FAT3: variants seen among roughly 807,000 people sequenced by gnomAD.
FAT3 encodes protocadherin Fat 3.
In FAT3, 95 loss-of-function variants were observed where a neutral mutation model predicts 310.2. That is an observed-to-expected ratio of 0.31 (90% confidence interval 0.26 to 0.36). FAT3 has a LOEUF of 0.36. Among genes scored for constraint, FAT3 ranks in the 10% least tolerant of loss-of-function variants. The probability of loss-of-function intolerance (pLI) is 1.00; values close to 1 mark genes in which losing one functional copy is unlikely to be tolerated. For synonymous variants in FAT3, 2,314 were observed against 2,192.9 expected (o/e 1.06, Z -1.54); for missense variants, 5,408 against 5,715.6 (o/e 0.95, Z 1.74).
At chr11:92,816,330 A>G (rs1947825917) in intron 13 of FAT3, among the ~76,000 whole-genome samples, 1 of 152,202 alleles carries the variant, frequency 6.6e-6, no homozygotes, top group Admixed American at 6.5e-5. Flanking sequence ...TGGTCCCTCC[A>G]TCCTGTCATC....
chr11:92,596,141 G>A (rs1426171466), intron 3 of FAT3, among the ~76,000 whole-genome samples: 1 of 152,092 alleles, frequency 6.6e-6, no homozygotes, highest in Non-Finnish European at 1.5e-5. Context: ...TTTTGCATAT[G>A]TTTTCCTTTT....
chr11:92,470,771 A>G (rs141724912), intron 2 of FAT3, among the ~76,000 whole-genome samples: 220 of 152,332 alleles, frequency 1.4e-3, no homozygotes, highest in African/African-American at 5.1e-3. Flanking sequence ...GTAATCTGGT[A>G]CTTTTCAAAA....
intron 1 of FAT3, among the ~76,000 whole-genome samples, chr11:92,256,975 G>C (rs959573300): frequency 6.6e-6 from 1 of 152,022 alleles, no homozygotes; most frequent in Non-Finnish European, 1.5e-5. Context: ...CATGTCCTAT[G>C]TTGATGAACA....
intron 1 of FAT3, among the ~76,000 whole-genome samples, chr11:92,277,322 C>T (rs1376486472): frequency 9.2e-5 from 14 of 152,036 alleles, no homozygotes; most frequent in Admixed American, 9.2e-4. Context: ...TTAACTCTAT[C>T]TGCTGTTTCA....
chr11:92,487,704 C>T (rs1952460265), intron 2 of FAT3, among the ~76,000 whole-genome samples: 1 of 152,200 alleles, frequency 6.6e-6, no homozygotes, highest in Admixed American at 6.5e-5. Flanking sequence ...ATCTTAATGG[C>T]TCCAAAGCCC....
At chr11:92,859,379 C>G (rs923963122) in intron 21 of FAT3, 57 bp downstream of exon 21, 1 of 1,416,026 alleles carries the variant, frequency 7.1e-7, no homozygotes, top group Non-Finnish European at 9.4e-7. Context: ...TGTTTTGGCT[C>G]TTGGATTGGG....
intron 2 of FAT3, among the ~76,000 whole-genome samples, chr11:92,378,794 A>T (rs957206253): frequency 2.6e-5 from 4 of 152,188 alleles, no homozygotes; most frequent in Non-Finnish European, 5.9e-5. Flanking sequence ...GAGCCGACAG[A>T]TTCAGTGTCT....
At chr11:92,560,582 A>G (rs1157782739) in intron 3 of FAT3, among the ~76,000 whole-genome samples, 4 of 152,170 alleles carry the variant, frequency 2.6e-5, no homozygotes, top group Admixed American at 1.3e-4. Context: ...TTTTCTTTAT[A>G]TGGGCATATT....
At chr11:92,440,504 T>G (rs962572313) in intron 2 of FAT3, among the ~76,000 whole-genome samples, 1 of 152,192 alleles carries the variant, frequency 6.6e-6, no homozygotes, top group African/African-American at 2.4e-5. Flanking sequence ...CAGAGTGTGC[T>G]TCTGTGGCTA....
chr11:92,584,479 T>TC (rs1164587058), intron 3 of FAT3, among the ~76,000 whole-genome samples: 1 of 145,770 alleles, frequency 6.9e-6, no homozygotes, highest in Non-Finnish European at 1.5e-5. Context: ...CAGCTTTTTT[T>TC]CCCCCCCTTT....
chr11:92,642,085 T>C (rs1406071130), intron 3 of FAT3, among the ~76,000 whole-genome samples: 1 of 152,184 alleles, frequency 6.6e-6, no homozygotes, highest in Non-Finnish European at 1.5e-5. Flanking sequence ...GGTCATGAAA[T>C]GCATGTATCT....
chr11:92,776,878 G>A (rs1315821304), intron 7 of FAT3, among the ~76,000 whole-genome samples: 1 of 152,084 alleles, frequency 6.6e-6, no homozygotes, highest in Non-Finnish European at 1.5e-5. Flanking sequence ...TCTGTCTGCT[G>A]AGCTATCTTA....
chr11:92,640,719 G>A (rs866835157), intron 3 of FAT3, among the ~76,000 whole-genome samples: 1 of 152,142 alleles, frequency 6.6e-6, no homozygotes. Context: ...CAACTGTATA[G>A]AGTATTTAAT....
chr11:92,561,472 T>C lies in FAT3; in HGVS notation c.3607+36524T>C, dbSNP rs186087820. On this transcript the variant is annotated intron_variant, in intron 3 of 27. Coordinates refer to ENST00000525166, the MANE Select transcript of FAT3 (RefSeq NM_001367949.2). ...CTTGAGAGTACTGAAATATATTTCTTTACATATAGGACTTTGTTCCCATAA... is the reference window on the plus strand; with the variant it reads ...CTTGAGAGTACTGAAATATATTTCTCTACATATAGGACTTTGTTCCCATAA... 3.5e-4 allele frequency among the ~76,000 whole-genome samples: 54 copies of C among 152,250 alleles called. 1 individual carries two copies. The highest frequency in any genetic ancestry group is 3.4e-3 in the Middle Eastern group (1 of 294).
At chr11:92,708,916 G>A (rs7115738) in intron 4 of FAT3, among the ~76,000 whole-genome samples, 3,035 of 152,294 alleles carry the variant, frequency 0.02, 93 homozygotes, top group African/African-American at 0.069. Flanking sequence ...TGAGTCAACC[G>A]TGGGTCTGGC....
chr11:92,799,470 G>T lies in FAT3; in HGVS notation c.6457G>T (p.Glu2153Ter). Reference sequence around the variant, plus strand: ...ATTCAACTCTGACTTGTCCAACATTGAGTATGGAGTCACCATCCTAGCCAA... The same window carrying T: ...ATTCAACTCTGACTTGTCCAACATTTAGTATGGAGTCACCATCCTAGCCAA... Reference protein sequence around the residue: ...EAFNSDLSNIEYGVTILAKDG... With the variant: ...EAFNSDLSNI The change falls in exon 10 of 28, where the codon GAG becomes TAG. Residue 2153 changes from glutamate (E) to a stop codon, truncating the protein, a stop_gained. Coordinates refer to ENST00000525166, the MANE Select transcript of FAT3 (RefSeq NM_001367949.2). LOFTEE classifies it high-confidence loss of function. The T allele has an allele frequency of 6.2e-7, 1 of 1,613,616 alleles. No individual in the cohort carries two copies. Among genetic ancestry groups the T allele is most frequent in the South Asian group, 1.1e-5 (1 of 90,994 alleles).
At chr11:92,843,853 G>A (rs1056323447) in intron 18 of FAT3, 81 bp from the exon 19 acceptor site, 29 of 1,296,644 alleles carry the variant, frequency 2.2e-5, no homozygotes, top group East Asian at 7.0e-5. Context: ...AGGTACAGAC[G>A]TCTTCTATCT....
At chr11:92,604,817 C>G (rs1329450936) in intron 3 of FAT3, among the ~76,000 whole-genome samples, 2 of 152,218 alleles carry the variant, frequency 1.3e-5, no homozygotes, top group African/African-American at 4.8e-5. Flanking sequence ...TTAGTAATGA[C>G]TGGAGAAAAG....
At chr11:92,402,355 A>G (rs1950034198) in intron 2 of FAT3, among the ~76,000 whole-genome samples, 1 of 152,182 alleles carries the variant, frequency 6.6e-6, no homozygotes. Flanking sequence ...GTGGGAAAGC[A>G]TAAATGACGG....
Sources: gnomAD v4.1 joint callset for allele counts (sites outside exome capture counted in the v4.1 genomes callset) on GRCh38, gnomAD v4.1.1 for gene constraint, MANE v1.5 for transcripts, NCBI Gene and HGNC (gene_info 2026-07-23, HGNC 2026-07-21) for gene names.